The following FAM168A variants were observed in gnomAD, a reference collection of about 807,000 sequenced individuals.
The protein encoded by FAM168A is family with sequence similarity 168 member A.
In FAM168A, 3 loss-of-function variants were observed where a neutral mutation model predicts 28.5. The ratio of observed to expected loss-of-function variants is 0.11; its 90% CI spans 0.05 to 0.27. The LOEUF is 0.27. Among genes scored for constraint, FAM168A ranks in the 10% least tolerant of loss-of-function variants. The pLI is 1.00. For synonymous variants in FAM168A, 122 were observed against 124.2 expected, an observed-to-expected ratio of 0.98 and a Z score of 0.12; for missense variants, 222 against 311.5, an observed-to-expected ratio of 0.71 and a Z score of 2.16.
chr11:73,588,572 G>C (rs1188171116), intron 1 of FAM168A, among the ~76,000 whole-genome samples: 1 of 152,102 alleles, frequency 6.6e-6, no homozygotes, highest in Non-Finnish European at 1.5e-5. Context: ...TGCACCTGAA[G>C]TCTCAGCTAC....
At chr11:73,557,762 A>G (rs1393858197) in intron 1 of FAM168A, among the ~76,000 whole-genome samples, 1 of 152,206 alleles carries the variant, frequency 6.6e-6, no homozygotes, top group East Asian at 1.9e-4. Context: ...TCCAATTTCA[A>G]AATTCACTAT....
intron 4 of FAM168A, 48 bp downstream of exon 4, chr11:73,419,826 A>G (rs1211622183): frequency 1.2e-5 from 19 of 1,603,330 alleles, no homozygotes; most frequent in Non-Finnish European, 1.6e-5. Context: ...TAAGAAACAA[A>G]TCAGTCCCAA....
chr11:73,580,793 T>G (rs1460487673), intron 1 of FAM168A, among the ~76,000 whole-genome samples: 1 of 152,230 alleles, frequency 6.6e-6, no homozygotes, highest in Non-Finnish European at 1.5e-5. Flanking sequence ...TCCCTGACTT[T>G]GACACACATG....
At chr11:73,582,964 C>T (rs578018521) in intron 1 of FAM168A, among the ~76,000 whole-genome samples, 2 of 152,086 alleles carry the variant, frequency 1.3e-5, no homozygotes, top group Non-Finnish European at 2.9e-5. Context: ...GACAACACAA[C>T]GGGCAGGGAG....
At chr11:73,580,292 AG>A (rs764491369) in intron 1 of FAM168A, 1 of 566,754 alleles carries the variant, frequency 1.8e-6, no homozygotes, top group East Asian at 4.7e-5. Flanking sequence ...AAGGAGATAA[AG>A]CCAAGGTGAA....
At chr11:73,563,508 A>G (rs190723021) in intron 1 of FAM168A, among the ~76,000 whole-genome samples, 39 of 152,338 alleles carry the variant, frequency 2.6e-4, no homozygotes, top group Admixed American at 1.4e-3. Flanking sequence ...AGTAGGAGGA[A>G]AACAGTAAGT....
rs1866488178 is a variant in FAM168A, at chr11:73,405,443, T to G, written c.*1320A>C. 1 of 152,088 alleles carries G rather than the reference T, an allele frequency of 6.6e-6. No homozygotes were observed. Among genetic ancestry groups the G allele is most frequent in the Non-Finnish European group, 1.5e-5 (1 of 68,036 alleles). 9.4% of individuals were successfully genotyped at this position (152,088 alleles called of 1,614,324 possible). ...CAAGCCAATCCGTCCCTAGGTAAAT[T>G]TTTGTAAGCAAGGTGCCCACTAGGT... On this transcript the variant is annotated 3_prime_UTR_variant, in exon 8 of 8. Transcript: ENST00000356467.
intron 2 of FAM168A, among the ~76,000 whole-genome samples, chr11:73,441,686 C>A (rs556287748): frequency 1.3e-5 from 2 of 152,192 alleles, no homozygotes; most frequent in South Asian, 2.1e-4. Flanking sequence ...ATTACTAATT[C>A]TCTCTTATAG....
intron 1 of FAM168A, among the ~76,000 whole-genome samples, chr11:73,521,937 G>T (rs118077383): frequency 6.6e-6 from 1 of 152,188 alleles, no homozygotes; most frequent in Admixed American, 6.5e-5. Context: ...TTTGGGAACA[G>T]TAGAGTTCAA....
chr11:73,574,516 T>C (rs894838120), intron 1 of FAM168A, among the ~76,000 whole-genome samples: 1 of 152,172 alleles, frequency 6.6e-6, no homozygotes, highest in South Asian at 2.1e-4. Context: ...TCAGCTCTAT[T>C]AGTTTAACAG....
At chr11:73,480,218 C>T (rs1002486989) in intron 1 of FAM168A, among the ~76,000 whole-genome samples, 2 of 152,134 alleles carry the variant, frequency 1.3e-5, no homozygotes, top group Non-Finnish European at 2.9e-5. Flanking sequence ...AAGCTCAACA[C>T]CCAGCTTTGT....
chr11:73,433,259 A>G (rs2134515532), intron 2 of FAM168A, among the ~76,000 whole-genome samples: 1 of 151,556 alleles, frequency 6.6e-6, no homozygotes, highest in South Asian at 2.1e-4. Context: ...ACACTGCAGA[A>G]GTTCTTTATA....
chr11:73,401,498 T>G lies in FAM168A; in HGVS notation c.*5265A>C, dbSNP rs1866410334. The stretch of plus-strand genomic sequence containing the variant: ...CTCTCTTAGGCCTGAGGAGAAAGGC[T>G]GGGGTCTGGAGATGCTGGTCTTGCT... On this transcript the variant is annotated 3_prime_UTR_variant, in exon 8 of 8. Coordinates refer to ENST00000356467, the MANE Select transcript of FAM168A (RefSeq NM_015159.3). 1.3e-5 allele frequency: 2 copies of G among 152,194 alleles called. No homozygotes were observed. The highest frequency in any genetic ancestry group is 1.3e-4 in the Admixed American group (2 of 15,156). The allele number at this position is 152,194 out of a possible 1,614,324, so 9.4% of individuals were successfully genotyped here. A position where few individuals can be genotyped will look rare whatever the true frequency, so the allele number is the denominator to read the frequency against.
intron 1 of FAM168A, among the ~76,000 whole-genome samples, chr11:73,544,231 A>C (rs1211008517): frequency 6.6e-6 from 1 of 152,220 alleles, no homozygotes; most frequent in East Asian, 1.9e-4. Flanking sequence ...CCAAAATGAT[A>C]TACCATTTCA....
intron 1 of FAM168A, among the ~76,000 whole-genome samples, chr11:73,509,269 G>C (rs1031772621): frequency 6.6e-6 from 1 of 152,194 alleles, no homozygotes; most frequent in Non-Finnish European, 1.5e-5. Flanking sequence ...TTGTGAACTT[G>C]AGTATAAAGT....
At chr11:73,512,598 T>C (rs1008183102) in intron 1 of FAM168A, among the ~76,000 whole-genome samples, 6 of 151,730 alleles carry the variant, frequency 4.0e-5, no homozygotes, top group African/African-American at 1.5e-4. Context: ...AGCTATTTTA[T>C]TAAAAAAGAA....
At chr11:73,556,374 C>T (rs1179454561) in intron 1 of FAM168A, among the ~76,000 whole-genome samples, 3 of 150,232 alleles carry the variant, frequency 2.0e-5, no homozygotes, top group South Asian at 2.1e-4. Context: ...GCAGTGAGAA[C>T]CCATTCCCTC....
intron 2 of FAM168A, among the ~76,000 whole-genome samples, chr11:73,444,973 A>G (rs1867272436): frequency 6.6e-6 from 1 of 152,214 alleles, no homozygotes; most frequent in Non-Finnish European, 1.5e-5. Context: ...TAAAATGATT[A>G]TATTGGCTGG....
intron 1 of FAM168A, among the ~76,000 whole-genome samples, chr11:73,538,871 C>G (rs1943616924): frequency 6.6e-6 from 1 of 152,166 alleles, no homozygotes; most frequent in Non-Finnish European, 1.5e-5. Context: ...CCACATTCAT[C>G]TAGATTTTTC....
Sources: gnomAD v4.1 joint callset for allele counts (sites outside exome capture counted in the v4.1 genomes callset) on GRCh38, gnomAD v4.1.1 for gene constraint, MANE v1.5 for transcripts, NCBI Gene and HGNC (gene_info 2026-07-23, HGNC 2026-07-21) for gene names.